The following ERCC6L2 variants were observed in gnomAD, a reference collection of about 807,000 sequenced individuals.
The protein encoded by ERCC6L2 is ERCC excision repair 6 like 2.
In ERCC6L2, 77 loss-of-function variants were observed where a neutral mutation model predicts 132.0. That is an observed-to-expected ratio of 0.58 (90% CI 0.49 to 0.71). The LOEUF is 0.71. ERCC6L2 is among the 30% of genes least tolerant of loss of function. The probability of loss-of-function intolerance (pLI) is 0.00; values close to 1 mark genes in which losing one functional copy is unlikely to be tolerated. For missense variants in ERCC6L2, 1,542 were observed against 1,837.6 expected, an observed-to-expected ratio of 0.84 and a Z score of 2.94; for synonymous variants, 583 against 632.4, an observed-to-expected ratio of 0.92 and a Z score of 1.17.
At chr9:96,029,937 C>T (rs1402428570) in intron 19 of ERCC6L2, among the ~76,000 whole-genome samples, 1 of 152,226 alleles carries the variant, frequency 6.6e-6, no homozygotes, top group African/African-American at 2.4e-5. Flanking sequence ...CAGTCCAGAG[C>T]CCGGACACCA....
chr9:95,948,419 A>G (rs1315974453), intron 12 of ERCC6L2, among the ~76,000 whole-genome samples: 2 of 152,162 alleles, frequency 1.3e-5, no homozygotes, highest in African/African-American at 4.8e-5. Context: ...TTGGGAGGCC[A>G]GGGCGGGTAG....
intron 18 of ERCC6L2, among the ~76,000 whole-genome samples, chr9:96,005,241 A>G (rs936495820): frequency 6.6e-6 from 1 of 152,002 alleles, no homozygotes; most frequent in Non-Finnish European, 1.5e-5. Flanking sequence ...TGAACCTGGG[A>G]GGCGGAGCTT....
In ERCC6L2 at chr9:95,884,436, A is replaced by C. The variant is rs1354742997; in HGVS notation, c.471+3143A>C. Among the ~76,000 whole-genome samples, 4 of 152,276 alleles carry C rather than the reference A, an allele frequency of 2.6e-5. No homozygotes were observed. The East Asian group carries it at 7.7e-4, about 29-fold the overall frequency. ...AATGTAGTAAAATTAATTGATAATG[A>C]AAATAGACCATTGACATTTACTGTT... On this transcript the variant is annotated intron_variant, in intron 2 of 18. Transcript: ENST00000653738.
intron 17 of ERCC6L2, among the ~76,000 whole-genome samples, chr9:96,001,149 C>T (rs1482276052): frequency 3.5e-4 from 53 of 152,096 alleles, no homozygotes; most frequent in Admixed American, 6.5e-5. Flanking sequence ...CAGATCTTTG[C>T]GGTGAGTGTT....
intron 20 of ERCC6L2, among the ~76,000 whole-genome samples, chr9:96,040,335 G>C (rs1381657368): frequency 4.6e-5 from 7 of 152,158 alleles, no homozygotes; most frequent in Admixed American, 3.3e-4. Flanking sequence ...ACGTGACCTG[G>C]AGTCACTGCT....
intron 12 of ERCC6L2, among the ~76,000 whole-genome samples, chr9:95,955,704 G>A (rs1364774108): frequency 6.7e-6 from 1 of 148,490 alleles, no homozygotes; most frequent in East Asian, 1.9e-4. Context: ...GATACTTGTA[G>A]GTTTTCTGTA....
At chr9:95,956,213 G>A (rs556734511) in intron 13 of ERCC6L2, among the ~76,000 whole-genome samples, 200 bp downstream of exon 13, 3 of 152,292 alleles carry the variant, frequency 2.0e-5, no homozygotes, top group South Asian at 4.1e-4. Flanking sequence ...GTTTTCTAGA[G>A]CAGTACCTCT....
intron 17 of ERCC6L2, among the ~76,000 whole-genome samples, chr9:95,997,093 A>G (rs1408051782): frequency 2.0e-5 from 3 of 152,234 alleles, no homozygotes; most frequent in Non-Finnish European, 2.9e-5. Flanking sequence ...AAAGAAAATA[A>G]GTTTCATAAG....
intron 1 of ERCC6L2, among the ~76,000 whole-genome samples, chr9:95,877,923 A>G (rs1827373601): frequency 6.6e-6 from 1 of 152,210 alleles, no homozygotes. Flanking sequence ...TTTTCTTGGA[A>G]AGGAAATTAC....
At chr9:95,908,790 A>G (rs1829205650) in intron 4 of ERCC6L2, among the ~76,000 whole-genome samples, 2 of 152,206 alleles carry the variant, frequency 1.3e-5, no homozygotes, top group Admixed American at 1.3e-4. Context: ...GTTATACTCA[A>G]TTTGAACTAC....
intron 17 of ERCC6L2, among the ~76,000 whole-genome samples, chr9:95,991,815 T>TA (rs1233564316): frequency 6.6e-6 from 1 of 152,230 alleles, no homozygotes; most frequent in Non-Finnish European, 1.5e-5. Context: ...TGAATGATAT[T>TA]AAAAATCACA....
chr9:95,950,074 C>T (rs185943443), intron 12 of ERCC6L2, among the ~76,000 whole-genome samples: 72 of 150,586 alleles, frequency 4.8e-4, no homozygotes, highest in Non-Finnish European at 8.7e-4. Flanking sequence ...GTACACTAGA[C>T]AGTAACTCAA....
intron 15 of ERCC6L2, among the ~76,000 whole-genome samples, chr9:95,970,896 A>G (rs1832382762): frequency 6.6e-6 from 1 of 152,174 alleles, no homozygotes; most frequent in South Asian, 2.1e-4. Context: ...TAACTACACC[A>G]AACTGTAAAT....
At position 95,968,876 on chromosome 9, in the gene ERCC6L2, TAAAC is replaced by T. The variant is rs140183174; in HGVS notation, c.2101-1697_2101-1694del. Reference sequence around the variant, plus strand: ...GCATTCTATATGGGGAGACAAATGATAAACAATAAATAAGTGAAATATGGAATGT... The same window carrying T: ...GCATTCTATATGGGGAGACAAATGATAATAAATAAGTGAAATATGGAATGT... On this transcript the variant is annotated intron_variant, in intron 14 of 18. Coordinates refer to ENST00000653738, the MANE Select transcript of ERCC6L2 (RefSeq NM_020207.7). The T allele has an allele frequency of 2.6e-5, 4 of 152,210 alleles. No homozygotes were observed. In the East Asian group the frequency reaches 7.7e-4, roughly 29 times the overall value. 9.4% of individuals were successfully genotyped at this position (152,210 alleles called of 1,614,324 possible).
At chr9:95,998,265 C>T (rs1411724091) in intron 17 of ERCC6L2, among the ~76,000 whole-genome samples, 1 of 152,030 alleles carries the variant, frequency 6.6e-6, no homozygotes. Context: ...GTCGGTGGAC[C>T]CAGGTTAAGA....
intron 17 of ERCC6L2, among the ~76,000 whole-genome samples, chr9:95,992,010 A>G (rs1833317669): frequency 6.6e-6 from 1 of 152,178 alleles, no homozygotes; most frequent in Non-Finnish European, 1.5e-5. Context: ...TTTTCTAACT[A>G]CATATCTGTA....
At chr9:96,004,857 A>T in intron 18 of ERCC6L2, 156 bp downstream of exon 18, 1 of 429,246 alleles carries the variant, frequency 2.3e-6, no homozygotes, top group Non-Finnish European at 4.1e-6. Flanking sequence ...AATGTTTTAG[A>T]TGTTGTTAGA....
At chr9:95,914,518 T>C (rs1388066208) in intron 4 of ERCC6L2, among the ~76,000 whole-genome samples, 1 of 152,128 alleles carries the variant, frequency 6.6e-6, no homozygotes, top group Non-Finnish European at 1.5e-5. Context: ...CGCGCCCAGC[T>C]AATTTTTGTA....
intron 18 of ERCC6L2, among the ~76,000 whole-genome samples, chr9:96,009,699 T>C (rs770983341): frequency 2.0e-5 from 3 of 152,172 alleles, no homozygotes; most frequent in Non-Finnish European, 4.4e-5. Context: ...CTTAAATTCT[T>C]AGAGAAAATT....
Sources: allele counts gnomAD v4.1 joint callset (sites outside exome capture counted in the v4.1 genomes callset), GRCh38; gene constraint gnomAD v4.1.1; transcripts MANE v1.5; gene names NCBI Gene and HGNC (gene_info 2026-07-23, HGNC 2026-07-21).